YWHAE: variants seen among roughly 807,000 people sequenced by gnomAD.
The protein encoded by YWHAE is 14-3-3 protein epsilon.
In YWHAE, 4 loss-of-function variants were observed where a neutral mutation model predicts 30.1. The ratio of observed to expected loss-of-function variants is 0.13; its 90% CI spans 0.07 to 0.30. The LOEUF is 0.30. Among genes scored for constraint, YWHAE ranks in the 10% least tolerant of loss-of-function variants. YWHAE has a pLI of 1.00. For missense variants in YWHAE, 121 were observed against 315.9 expected (o/e 0.38, Z 4.68); for synonymous variants, 118 against 111.8 (o/e 1.06, Z -0.35).
chr17:1,395,600 AAGTT>A (rs1287873619), intron 1 of YWHAE, among the ~76,000 whole-genome samples: 8 of 152,228 alleles, frequency 5.3e-5, no homozygotes, highest in East Asian at 1.9e-4. Context: ...TTACTCCAGA[AAGTT>A]AGTCCATTAA....
chr17:1,355,148 A>AAT (rs1555639303), intron 4 of YWHAE, among the ~76,000 whole-genome samples: 2 of 76,838 alleles, frequency 2.6e-5, no homozygotes, highest in African/African-American at 8.8e-5. Context: ...AAAAAAAAAA[A>AAT]TTTTTTTTTT....
chr17:1,354,784 TC>T (rs1274494911), intron 4 of YWHAE, among the ~76,000 whole-genome samples: 5 of 151,816 alleles, frequency 3.3e-5, no homozygotes, highest in Non-Finnish European at 4.4e-5. Context: ...TGCCTCAGCC[TC>T]CCGAATGGCT....
intron 4 of YWHAE, among the ~76,000 whole-genome samples, chr17:1,360,030 G>A (rs947574083): frequency 6.6e-6 from 1 of 151,622 alleles, no homozygotes. Flanking sequence ...TGGTGCAATC[G>A]AGGCTCACCG....
rs543616929 is a variant in YWHAE, at chr17:1,370,439, TTTTTG to T, written c.65-5386_65-5382del. Among the ~76,000 whole-genome samples, 155 of 151,694 alleles carry T rather than the reference TTTTTG, an allele frequency of 1.0e-3. 2 individuals carry two copies. Among genetic ancestry groups the T allele is most frequent in the African/African-American group, 3.5e-3 (145 of 41,374 alleles). On this transcript the variant is annotated intron_variant, in intron 1 of 5. Transcript: ENST00000264335. ...AGCCACCGCGACTGGCCAGAACAAC[TTTTTG>T]TTTTTTGTTTTTGAGACAGTGTCTT...
chr17:1,348,976 A>G (rs2072572263), intron 5 of YWHAE, among the ~76,000 whole-genome samples: 1 of 151,710 alleles, frequency 6.6e-6, no homozygotes, highest in African/African-American at 2.4e-5. Flanking sequence ...CAGTGAGCCA[A>G]GATAGCACCA....
intron 1 of YWHAE, among the ~76,000 whole-genome samples, chr17:1,397,304 A>G (rs530218955): frequency 6.6e-6 from 1 of 152,332 alleles, no homozygotes; most frequent in East Asian, 1.9e-4. Context: ...AAGGAGGTAA[A>G]AACGATTCGA....
At chr17:1,365,892 G>C (rs797018248) in intron 1 of YWHAE, among the ~76,000 whole-genome samples, 1 of 152,012 alleles carries the variant, frequency 6.6e-6, no homozygotes, top group African/African-American at 2.4e-5. Context: ...AGAATCACTC[G>C]AGCTCAGGAG....
intron 1 of YWHAE, chr17:1,399,196 T>C (rs557091058): frequency 6.6e-6 from 1 of 152,120 alleles, no homozygotes; most frequent in South Asian, 2.1e-4. Flanking sequence ...CTCCTGGTTC[T>C]ATCCATCAGA....
At chr17:1,369,516 AT>A (rs2072997693) in intron 1 of YWHAE, among the ~76,000 whole-genome samples, 1 of 152,198 alleles carries the variant, frequency 6.6e-6, no homozygotes, top group African/African-American at 2.4e-5. Context: ...AAACTGTACC[AT>A]TCAATGGTTT....
At chr17:1,357,642 T>C (rs1056049850) in intron 4 of YWHAE, among the ~76,000 whole-genome samples, 2 of 151,518 alleles carry the variant, frequency 1.3e-5, no homozygotes, top group Non-Finnish European at 2.9e-5. Flanking sequence ...AAATTTAAAA[T>C]AGGCTGGGTG....
At chr17:1,358,932 C>T (rs369532500) in intron 4 of YWHAE, among the ~76,000 whole-genome samples, 5 of 150,930 alleles carry the variant, frequency 3.3e-5, no homozygotes, top group East Asian at 2.0e-4. Context: ...GTCAGGAGTT[C>T]GAGACTAGCC....
At chr17:1,353,583 A>G (rs1480617070) in intron 5 of YWHAE, among the ~76,000 whole-genome samples, 1 of 152,040 alleles carries the variant, frequency 6.6e-6, no homozygotes, top group East Asian at 1.9e-4. Flanking sequence ...ACCAACATGG[A>G]GAAATCCCGT....
intron 1 of YWHAE, among the ~76,000 whole-genome samples, chr17:1,378,578 T>C (rs975702227): frequency 6.6e-6 from 1 of 152,224 alleles, no homozygotes. Context: ...GCATCAGTTC[T>C]GTACTAAAAA....
At chr17:1,378,683 G>A (rs1489242185) in intron 1 of YWHAE, among the ~76,000 whole-genome samples, 1 of 152,186 alleles carries the variant, frequency 6.6e-6, no homozygotes. Context: ...GGCGGCTCAC[G>A]CCTGTAATCC....
intron 5 of YWHAE, chr17:1,347,939 A>G (rs1469182892): frequency 2.0e-6 from 2 of 1,007,718 alleles, no homozygotes; most frequent in East Asian, 7.1e-5. Flanking sequence ...AGCGGAATTC[A>G]CTGTGCCATG....
At chr17:1,350,986 G>C (rs2072622214) in intron 5 of YWHAE, among the ~76,000 whole-genome samples, 1 of 151,770 alleles carries the variant, frequency 6.6e-6, no homozygotes, top group South Asian at 2.1e-4. Context: ...TTGAACCCAG[G>C]AGGCAGAGGT....
intron 1 of YWHAE, among the ~76,000 whole-genome samples, chr17:1,395,951 TC>T (rs1287406779): frequency 6.6e-5 from 10 of 151,886 alleles, no homozygotes; most frequent in Admixed American, 6.6e-4. Context: ...AAACCCCATC[TC>T]TACTAAAAAT....
At position 1,400,208 on chromosome 17, in the gene YWHAE, G is replaced by A. The variant is rs2073548423; in HGVS notation, c.-98C>T. 2 of 1,436,322 alleles carry A rather than the reference G, an allele frequency of 1.4e-6. No homozygotes were observed. Among genetic ancestry groups the A allele is most frequent in the South Asian group, 1.2e-5 (1 of 86,638 alleles). 89.0% of individuals were successfully genotyped at this position (1,436,322 alleles called of 1,614,324 possible). On this transcript the variant is annotated 5_prime_UTR_variant, in exon 1 of 6. Coordinates refer to ENST00000264335, the MANE Select transcript of YWHAE (RefSeq NM_006761.5). ...GCTCCGCGTCCGGGCAGCAAAAATG[G>A]CGGCGCCTCAATCCGGGACTTCCGC...
intron 5 of YWHAE, among the ~76,000 whole-genome samples, chr17:1,351,113 C>T (rs1323906544): frequency 6.6e-6 from 1 of 151,876 alleles, no homozygotes; most frequent in African/African-American, 2.4e-5. Context: ...GTAATCCCAG[C>T]GCTTTGGGAG....
Sources: gnomAD v4.1 joint callset for allele counts (sites outside exome capture counted in the v4.1 genomes callset) on GRCh38, gnomAD v4.1.1 for gene constraint, MANE v1.5 for transcripts, NCBI Gene and HGNC (gene_info 2026-07-23, HGNC 2026-07-21) for gene names.